Variants in CERCAM observed in about 807,000 individuals in gnomAD.
The protein encoded by CERCAM is inactive glycosyltransferase 25 family member 3.
A neutral mutation model predicts 66.0 loss-of-function variants in CERCAM; 59 were observed. That is an observed-to-expected ratio of 0.89 (90% CI 0.73 to 1.11). The LOEUF (loss-of-function observed/expected upper bound fraction) is 1.11, where lower values mean the gene tolerates loss of function less well. Among genes scored for constraint, CERCAM ranks in the 50% most tolerant of loss-of-function variants. The pLI, the probability that CERCAM is intolerant of heterozygous loss-of-function variation, is 0.00. For missense variants in CERCAM, 840 were observed against 828.3 expected (o/e 1.01, Z -0.17); for synonymous variants, 318 against 343.6 (o/e 0.93, Z 0.83).
At chr9:128,422,736 C>G in intron 1 of CERCAM, 132 bp from the exon 2 acceptor site, 1 of 1,026,670 alleles carries the variant, frequency 9.7e-7, no homozygotes, top group South Asian at 1.6e-5. Flanking sequence ...AGCCTCTCTG[C>G]TGTAGCACAC....
chr9:128,429,664 A>G (rs1833929609), intron 8 of CERCAM, among the ~76,000 whole-genome samples: 1 of 152,050 alleles, frequency 6.6e-6, no homozygotes. Context: ...CCCAGGCTGG[A>G]GTGCGGTGCC....
intron 5 of CERCAM, among the ~76,000 whole-genome samples, chr9:128,425,482 G>A (rs951988963): frequency 1.3e-5 from 2 of 151,894 alleles, no homozygotes; most frequent in Non-Finnish European, 2.9e-5. Context: ...GACCAGCCTG[G>A]ACAACATAGC....
In CERCAM at chr9:128,431,475, G is replaced by A. The variant is rs1833975624; in HGVS notation, c.1203+172G>A. On this transcript the variant is annotated intron_variant, in intron 9 of 12. Transcript: ENST00000372838. ...CAGTGGGCACCACTAAGCGGTGCTT[G>A]TTTTCATTCTGCAGTCTCTCTTGAG... 4.1e-6 allele frequency: 3 copies of A among 734,894 alleles called. No individual in the cohort carries two copies. The Admixed American group carries it at 8.5e-5, about 21-fold the overall frequency. The allele number at this position is 734,894 out of a possible 1,614,324, so 45.5% of individuals were successfully genotyped here.
chr9:128,423,636 AAAAG>A (rs1054813349), intron 3 of CERCAM, among the ~76,000 whole-genome samples: 5 of 151,920 alleles, frequency 3.3e-5, no homozygotes, highest in East Asian at 1.9e-4. Context: ...AAAAAAAAGA[AAAAG>A]AAATCTGAAT....
chr9:128,435,839 C>T lies in CERCAM; in HGVS notation c.1722C>T (p.Ser574=), dbSNP rs774189889. ...SWSGSQKTLR[S]PRLDLTGSSG... is the part of the protein sequence containing the mutation. ...GCGGCTCCCAAAAGACCCTGCGCAG[C>T]CCCCGCCTGGACCTGACTGGCAGCA... Residue 574 remains serine (S), a synonymous_variant, in exon 12 of 13, where the codon AGC becomes AGT. Transcript: ENST00000372838. 6.2e-7 allele frequency: 1 copy of T among 1,610,088 alleles called. No homozygotes were observed. The highest frequency in any genetic ancestry group is 8.5e-7 in the Non-Finnish European group (1 of 1,178,952).
chr9:128,422,805 A>C (rs1222706771), intron 1 of CERCAM, 63 bp from the exon 2 acceptor site: 1 of 1,584,658 alleles, frequency 6.3e-7, no homozygotes, highest in Non-Finnish European at 8.6e-7. Flanking sequence ...TTTGGGGTCA[A>C]GGCTGCCTTG....
chr9:128,423,864 A>T (rs1278704022), intron 3 of CERCAM, among the ~76,000 whole-genome samples: 1 of 152,214 alleles, frequency 6.6e-6, no homozygotes, highest in Non-Finnish European at 1.5e-5. Context: ...ACTAGAGCTC[A>T]GAGTAGGTGT....
chr9:128,421,209 C>G, intron 1 of CERCAM, 135 bp downstream of exon 1: 3 of 1,236,692 alleles, frequency 2.4e-6, no homozygotes, highest in Non-Finnish European at 3.0e-6. Flanking sequence ...CACAGACGGC[C>G]CTGCCAGCCC....
intron 9 of CERCAM, among the ~76,000 whole-genome samples, chr9:128,433,253 C>T (rs1331389616): frequency 5.6e-5 from 8 of 143,618 alleles, no homozygotes; most frequent in Non-Finnish European, 1.1e-4. Context: ...CACTCCAGCC[C>T]GGGCGACAGA....
At chr9:128,429,972 T>C in intron 8 of CERCAM, among the ~76,000 whole-genome samples, 1 of 144,372 alleles carries the variant, frequency 6.9e-6, no homozygotes, top group South Asian at 2.2e-4. Flanking sequence ...ATGTTTTGTT[T>C]TGTTTTTTTT....
intron 8 of CERCAM, 188 bp from the exon 9 acceptor site, chr9:128,430,983 T>A: frequency 1.5e-6 from 1 of 651,784 alleles, no homozygotes; most frequent in Non-Finnish European, 2.6e-6. Context: ...CACTCCAGCC[T>A]GGGCAACAGG....
chr9:128,434,734 C>A lies in CERCAM; in HGVS notation c.1535+121C>A, dbSNP rs1834069497. The A allele has an allele frequency of 5.2e-6, 5 of 954,330 alleles. No individual in the cohort carries two copies. Among genetic ancestry groups the A allele is most frequent in the Non-Finnish European group, 6.2e-6 (4 of 644,960 alleles). 59.1% of individuals were successfully genotyped at this position (954,330 alleles called of 1,614,324 possible). ...GGAGACTGGGACTGGCAAGGCCAAG[C>A]CACTTGGCCCAGGTCACCAAGGAGT... is the stretch of plus-strand genomic sequence containing the variant. On this transcript the variant is annotated intron_variant, in intron 11 of 12. Coordinates refer to ENST00000372838, the MANE Select transcript of CERCAM (RefSeq NM_016174.5). The surrounding 1 kb of genome is among the most constrained non-coding windows in gnomAD (Gnocchi z 4.5).
At chr9:128,431,327 C>G in intron 9 of CERCAM, 24 bp downstream of exon 9, 1 of 1,613,248 alleles carries the variant, frequency 6.2e-7, no homozygotes, top group Non-Finnish European at 8.5e-7. Flanking sequence ...CTTCCTCCAT[C>G]CACAGCCTTC....
Position 128,421,008 on chromosome 9 carries a change from A to G in CERCAM, c.131A>G (p.His44Arg). The change falls in exon 1 of 13, where the codon CAC becomes CGC. Residue 44 changes from histidine (H) to arginine (R), a missense_variant. Transcript: ENST00000372838. Reference sequence around the variant, plus strand: ...GCCATCCTGGCCCGCAATGCCGAACACTCGCTGCCCCACTACCTGGGCGCT... The same window carrying G: ...GCCATCCTGGCCCGCAATGCCGAACGCTCGCTGCCCCACTACCTGGGCGCT... Reference protein sequence around the residue: ...VLAILARNAEHSLPHYLGALE... With the variant: ...VLAILARNAERSLPHYLGALE... The G allele has an allele frequency of 1.4e-6, 2 of 1,460,384 alleles. No individual in the cohort carries two copies. Among genetic ancestry groups the G allele is most frequent in the Non-Finnish European group, 1.8e-6 (2 of 1,106,102 alleles). The allele number at this position is 1,460,384 out of a possible 1,614,324, so 90.5% of individuals were successfully genotyped here.
chr9:128,424,295 G>GGGT, intron 4 of CERCAM, 23 bp downstream of exon 4: 1 of 1,613,440 alleles, frequency 6.2e-7, no homozygotes, highest in East Asian at 2.2e-5. Flanking sequence ...TGGGGGCCTT[G>GGGT]GGTGGACTGA....
At chr9:128,436,144 C>T (rs1018133924) in intron 12 of CERCAM, among the ~76,000 whole-genome samples, 4 of 152,320 alleles carry the variant, frequency 2.6e-5, no homozygotes, top group East Asian at 1.9e-4. Flanking sequence ...CAACCTCTGC[C>T]TCTCGGGCTC....
intron 2 of CERCAM, 40 bp from the exon 3 acceptor site, chr9:128,423,106 G>T: frequency 6.2e-7 from 1 of 1,611,114 alleles, no homozygotes; most frequent in Non-Finnish European, 8.5e-7. Context: ...AGAGGGAGGG[G>T]CATGTACCCC....
chr9:128,433,532 T>C (rs1194917359), intron 9 of CERCAM, among the ~76,000 whole-genome samples: 2 of 152,116 alleles, frequency 1.3e-5, no homozygotes, highest in Non-Finnish European at 2.9e-5. Flanking sequence ...CTCCTGGTCT[T>C]GGCCATGGCT....
At chr9:128,429,085 G>C in intron 8 of CERCAM, 49 bp downstream of exon 8, 2 of 1,378,438 alleles carry the variant, frequency 1.5e-6, no homozygotes, top group South Asian at 2.6e-5. Flanking sequence ...GAAGCAGTGT[G>C]GTCCATCTCC....
Sources: gnomAD v4.1 joint callset for allele counts (sites outside exome capture counted in the v4.1 genomes callset) on GRCh38, gnomAD v4.1.1 for gene constraint, Gnocchi (gnomAD v3.1) non-coding constraint, MANE v1.5 for transcripts, NCBI Gene and HGNC (gene_info 2026-07-23, HGNC 2026-07-21) for gene names.